PIK3C2G: variants seen among roughly 807,000 people sequenced by gnomAD.
The protein encoded by PIK3C2G is phosphatidylinositol-4-phosphate 3-kinase catalytic subunit type 2 gamma, also known as phosphatidylinositol 3-kinase C2 domain-containing subunit gamma.
A neutral mutation model predicts 181.1 loss-of-function variants in PIK3C2G; 168 were observed. The ratio of observed to expected loss-of-function variants is 0.93; its 90% CI spans 0.82 to 1.05. The LOEUF (loss-of-function observed/expected upper bound fraction) is 1.05, where lower values mean the gene tolerates loss of function less well. Among genes scored for constraint, PIK3C2G ranks in the 50% least tolerant of loss-of-function variants. The pLI is 0.00. For missense variants in PIK3C2G, 1,869 were observed against 1,732.8 expected (o/e 1.08, Z -1.40); for synonymous variants, 573 against 592.2 (o/e 0.97, Z 0.47).
chr12:18,453,380 CT>C (rs375979688), intron 18 of PIK3C2G, among the ~76,000 whole-genome samples: 1 of 151,754 alleles, frequency 6.6e-6, no homozygotes, highest in Non-Finnish European at 1.5e-5. Flanking sequence ...GCAACTCCTG[CT>C]TTTTTTTGCT....
At chr12:18,248,952 C>T (rs918109770) in intron 1 of PIK3C2G, among the ~76,000 whole-genome samples, 1 of 151,900 alleles carries the variant, frequency 6.6e-6, no homozygotes, top group Non-Finnish European at 1.5e-5. Flanking sequence ...CTGTAAGGTG[C>T]TTTTTTTTGT....
At position 18,503,398 on chromosome 12, in the gene PIK3C2G, T is replaced by A. The variant is rs760085570; in HGVS notation, c.3134T>A (p.Leu1045Ter). Residue 1045 changes from leucine (L) to a stop codon, truncating the protein, a stop_gained, in exon 23 of 33, where the codon TTA (leucine) becomes TAA (stop). Coordinates refer to ENST00000538779, the MANE Select transcript of PIK3C2G (RefSeq NM_001288772.2). LOFTEE classifies it high-confidence loss of function. ...AAGTGGTTCAGTCAGCACAACCACT[T>A]AAAGGCAGATTATGAAAAGGTTTGT... is the stretch of plus-strand genomic sequence containing the variant. Reference protein sequence around the residue: ...IKKWFSQHNHLKADYEKALRN... With the variant: ...IKKWFSQHNH The A allele has an allele frequency of 6.2e-7, 1 of 1,606,950 alleles. No homozygotes were observed. The highest frequency in any genetic ancestry group is 1.7e-5 in the Admixed American group (1 of 59,006).
chr12:18,512,226 A>G (rs542545513), intron 24 of PIK3C2G, among the ~76,000 whole-genome samples: 22 of 151,986 alleles, frequency 1.4e-4, no homozygotes, highest in African/African-American at 5.3e-4. Flanking sequence ...ACTTTATAAT[A>G]TGTCTTGAAG....
chr12:18,350,436 T>C (rs1361447358), intron 11 of PIK3C2G, among the ~76,000 whole-genome samples: 1 of 152,094 alleles, frequency 6.6e-6, no homozygotes, highest in South Asian at 2.1e-4. Context: ...GTGCAAAAAA[T>C]GATTTGACAG....
upstream of PIK3C2G, among the ~76,000 whole-genome samples, chr12:18,243,192 TTCTGTG>T (rs1565519091): frequency 9.4e-6 from 1 of 106,236 alleles, no homozygotes; most frequent in African/African-American, 3.9e-5. Context: ...TATAAAGTCT[TTCTGTG>T]TGTGTGTGTG....
intron 18 of PIK3C2G, among the ~76,000 whole-genome samples, chr12:18,472,163 A>G (rs1431640235): frequency 2.6e-5 from 4 of 152,184 alleles, no homozygotes; most frequent in African/African-American, 9.6e-5. Context: ...ATGTATAAAA[A>G]CAGGAAAAGA....
At chr12:18,663,654 A>T in the PIK3C2G span, among the ~76,000 whole-genome samples, 1 of 152,090 alleles carries the variant, frequency 6.6e-6, no homozygotes, top group African/African-American at 2.4e-5. Flanking sequence ...AGAAAAAAAA[A>T]CATAGGACAA....
At chr12:18,335,078 T>C (rs1938398430) in intron 8 of PIK3C2G, among the ~76,000 whole-genome samples, 1 of 152,154 alleles carries the variant, frequency 6.6e-6, no homozygotes, top group South Asian at 2.1e-4. Context: ...ATCATTTTTC[T>C]TACTCAAGGG....
intron 18 of PIK3C2G, among the ~76,000 whole-genome samples, chr12:18,451,915 T>C (rs7307531): frequency 0.16 from 23,777 of 152,200 alleles, 2,168 homozygotes; most frequent in African/African-American, 0.25. Flanking sequence ...ATCCCAGGGA[T>C]GAAGCCAACT....
At chr12:18,602,536 C>A (rs150479640) in intron 30 of PIK3C2G, among the ~76,000 whole-genome samples, 289 of 151,972 alleles carry the variant, frequency 1.9e-3, no homozygotes, top group Admixed American at 3.7e-3. Context: ...ACAGCTGATG[C>A]TTTCTGGAAA....
chr12:18,332,975 T>C (rs1242965181), intron 8 of PIK3C2G, among the ~76,000 whole-genome samples: 1 of 152,154 alleles, frequency 6.6e-6, no homozygotes, highest in Non-Finnish European at 1.5e-5. Flanking sequence ...CCATGTGTCT[T>C]GGGCTTCCTG....
chr12:18,556,087 G>A (rs900305585), intron 26 of PIK3C2G, among the ~76,000 whole-genome samples: 1 of 152,096 alleles, frequency 6.6e-6, no homozygotes, highest in Non-Finnish European at 1.5e-5. Flanking sequence ...CCTAGCAAGG[G>A]AGAGTTAAAA....
chr12:18,349,467 A>G (rs1474638623), intron 11 of PIK3C2G, among the ~76,000 whole-genome samples: 1 of 152,130 alleles, frequency 6.6e-6, no homozygotes, highest in East Asian at 1.9e-4. Flanking sequence ...CTGAAACTGA[A>G]TTATCATCTA....
chr12:18,480,391 T>A (rs181603659), intron 18 of PIK3C2G, among the ~76,000 whole-genome samples: 1 of 152,252 alleles, frequency 6.6e-6, no homozygotes, highest in Non-Finnish European at 1.5e-5. Context: ...CATTATTTGA[T>A]AAATTTAACA....
chr12:18,460,703 T>G (rs2135935217), intron 18 of PIK3C2G, among the ~76,000 whole-genome samples: 1 of 151,132 alleles, frequency 6.6e-6, no homozygotes, highest in East Asian at 1.9e-4. Flanking sequence ...TTAGCTATTT[T>G]TTATTGTTGC....
At chr12:18,701,708 T>G in the PIK3C2G span, 1 of 1,605,996 alleles carries the variant, frequency 6.2e-7, no homozygotes, top group Non-Finnish European at 8.5e-7. Flanking sequence ...TATCAGAACC[T>G]TTTCTTTCAT....
intron 6 of PIK3C2G, among the ~76,000 whole-genome samples, chr12:18,317,687 G>A (rs1020716552): frequency 6.6e-6 from 1 of 152,140 alleles, no homozygotes; most frequent in Non-Finnish European, 1.5e-5. Context: ...AAATCCTGGA[G>A]CACATAGGCC....
At chr12:18,444,696 T>C (rs1417866298) in intron 18 of PIK3C2G, among the ~76,000 whole-genome samples, 1 of 152,164 alleles carries the variant, frequency 6.6e-6, no homozygotes, top group Non-Finnish European at 1.5e-5. Flanking sequence ...TTCAGTGGGA[T>C]TGAACTGATT....
At chr12:18,374,869 C>G (rs1942326572) in intron 13 of PIK3C2G, among the ~76,000 whole-genome samples, 1 of 152,138 alleles carries the variant, frequency 6.6e-6, no homozygotes, top group South Asian at 2.1e-4. Context: ...TGTGAGACAC[C>G]TGCTCCTCCT....
Sources: allele counts gnomAD v4.1 joint callset (sites outside exome capture counted in the v4.1 genomes callset), GRCh38; gene constraint gnomAD v4.1.1; transcripts MANE v1.5; gene names NCBI Gene and HGNC (gene_info 2026-07-23, HGNC 2026-07-21).